Variants in SCD5 observed in about 807,000 individuals in gnomAD.
SCD5 encodes the protein acyl-CoA-desaturase 4.
In SCD5, 20 loss-of-function variants were observed where a neutral mutation model predicts 30.4. The observed-to-expected ratio is 0.66, with a 90% CI of 0.46 to 0.96. The LOEUF (loss-of-function observed/expected upper bound fraction) is 0.96, where lower values mean the gene tolerates loss of function less well. Ranked by LOEUF, SCD5 falls within the 40% of genes least tolerant of loss-of-function variation. The pLI is 0.00. For missense variants in SCD5, 381 were observed against 443.3 expected (o/e 0.86, Z 1.26); for synonymous variants, 173 against 176.4 (o/e 0.98, Z 0.16).
intron 3 of SCD5, among the ~76,000 whole-genome samples, chr4:82,673,819 A>C (rs922324182): frequency 4.6e-5 from 7 of 152,202 alleles, no homozygotes; most frequent in Non-Finnish European, 1.0e-4. Context: ...TTGATCAATG[A>C]ATCATAACAG....
At chr4:82,635,295 A>T (rs183292011) in intron 4 of SCD5, among the ~76,000 whole-genome samples, 234 of 152,334 alleles carry the variant, frequency 1.5e-3, no homozygotes, top group African/African-American at 5.3e-3. Flanking sequence ...GGGACAAGTA[A>T]GTTGCCTAAG....
Position 82,680,802 on chromosome 4 carries a change from C to A in SCD5, c.474G>T (p.Trp158Cys), listed in dbSNP as rs770215746. ...CATCTCGATGCTTGCGAACAAACAG[C>A]CACCCAATATGGGAGAAGAAGAAGC... ...RRGFFFSHIG[W>C]LFVRKHRDVI... The change falls in exon 3 of 5, where the codon TGG becomes TGT. Residue 158 changes from tryptophan to cysteine, a missense_variant. Coordinates refer to ENST00000319540, the MANE Select transcript of SCD5 (RefSeq NM_001037582.3). 12 of 1,613,796 alleles carry A rather than the reference C, an allele frequency of 7.4e-6. No individual in the cohort carries two copies. Among genetic ancestry groups the A allele is most frequent in the Non-Finnish European group, 2.5e-6 (3 of 1,179,990 alleles).
At chr4:82,639,833 G>A (rs1394186650) in intron 3 of SCD5, among the ~76,000 whole-genome samples, 2 of 152,206 alleles carry the variant, frequency 1.3e-5, no homozygotes, top group Non-Finnish European at 2.9e-5. Context: ...TCCGCTCTTT[G>A]GATTACAACC....
intron 1 of SCD5, among the ~76,000 whole-genome samples, chr4:82,778,603 G>A (rs574295085): frequency 7.2e-5 from 11 of 152,180 alleles, no homozygotes; most frequent in Non-Finnish European, 1.5e-4. Flanking sequence ...CAGCAAACTT[G>A]CCACTCTGAT....
intron 3 of SCD5, among the ~76,000 whole-genome samples, chr4:82,662,207 C>T (rs1173108162): frequency 2.6e-5 from 4 of 152,222 alleles, no homozygotes; most frequent in East Asian, 1.9e-4. Flanking sequence ...TAAGCACATG[C>T]CATCGTGCTC....
intron 3 of SCD5, among the ~76,000 whole-genome samples, chr4:82,667,993 G>C (rs1728227837): frequency 6.6e-6 from 1 of 152,106 alleles, no homozygotes. Context: ...AATCAAAGCA[G>C]GATGATGAAG....
chr4:82,730,232 A>ATTATATTAT (rs763488763), intron 1 of SCD5, among the ~76,000 whole-genome samples: 64 of 146,328 alleles, frequency 4.4e-4, no homozygotes, highest in African/African-American at 1.5e-3. Flanking sequence ...TATTATATAT[A>ATTATATTAT]ATATTTAAAA....
chr4:82,663,957 G>C (rs1728103388), intron 3 of SCD5, among the ~76,000 whole-genome samples: 1 of 152,166 alleles, frequency 6.6e-6, no homozygotes, highest in African/African-American at 2.4e-5. Context: ...TTGACCCCAA[G>C]GTTCAGGCAC....
At chr4:82,666,494 G>C (rs1728193003) in intron 3 of SCD5, among the ~76,000 whole-genome samples, 1 of 150,868 alleles carries the variant, frequency 6.6e-6, no homozygotes, top group African/African-American at 2.4e-5. Context: ...CAGCCTGGGA[G>C]ACAGAGCGAG....
intron 3 of SCD5, among the ~76,000 whole-genome samples, chr4:82,654,478 A>G (rs567691137): frequency 1.4e-4 from 22 of 152,370 alleles, no homozygotes; most frequent in Admixed American, 1.3e-3. Context: ...ATCTTTCCCC[A>G]GGAAGGGAGC....
chr4:82,698,618 C>T (rs906904852), intron 2 of SCD5, among the ~76,000 whole-genome samples: 2 of 152,184 alleles, frequency 1.3e-5, no homozygotes, highest in African/African-American at 4.8e-5. Flanking sequence ...TGGCCCCCAT[C>T]CCCCACTCTG....
chr4:82,694,029 T>C (rs1257607059), intron 2 of SCD5, among the ~76,000 whole-genome samples: 1 of 152,228 alleles, frequency 6.6e-6, no homozygotes, highest in Admixed American at 6.5e-5. Flanking sequence ...TCTCACACTC[T>C]GCTACTGCTG....
intron 1 of SCD5, among the ~76,000 whole-genome samples, chr4:82,752,236 G>A (rs2148842637): frequency 6.6e-6 from 1 of 150,472 alleles, no homozygotes; most frequent in East Asian, 2.0e-4. Context: ...CAGAATACAA[G>A]CAATATCTCT....
chr4:82,717,974 A>G (rs1202284160), intron 1 of SCD5, among the ~76,000 whole-genome samples: 2 of 95,528 alleles, frequency 2.1e-5, no homozygotes, highest in Admixed American at 1.2e-4. Flanking sequence ...AAAAATTAAA[A>G]ACAGTACCAA....
At chr4:82,715,721 T>C (rs1195098923) in intron 1 of SCD5, among the ~76,000 whole-genome samples, 2 of 151,616 alleles carry the variant, frequency 1.3e-5, no homozygotes, top group Non-Finnish European at 2.9e-5. Context: ...AAGAGATGCA[T>C]TGATAAGAGG....
intron 1 of SCD5, among the ~76,000 whole-genome samples, chr4:82,766,929 C>G (rs767955533): frequency 6.6e-6 from 1 of 152,062 alleles, no homozygotes; most frequent in East Asian, 1.9e-4. Flanking sequence ...CCGCCCACCT[C>G]GACCTCCCAA....
At chr4:82,664,999 C>CTCTCTCTCTCTCTCTCTCTCTATA (rs1219554314) in intron 3 of SCD5, among the ~76,000 whole-genome samples, 4 of 70,484 alleles carry the variant, frequency 5.7e-5, no homozygotes, top group African/African-American at 1.5e-4. Flanking sequence ...CTCTCTCTCT[C>CTCTCTCTCTCTCTCTCTCTCTATA]TATATATATA....
chr4:82,671,986 T>C (rs1190176377), intron 3 of SCD5, among the ~76,000 whole-genome samples: 2 of 152,122 alleles, frequency 1.3e-5, no homozygotes, highest in African/African-American at 4.8e-5. Context: ...TCAAGAGACA[T>C]TTAAGAATAT....
chr4:82,718,082 T>TAA (rs1304266095), intron 1 of SCD5, among the ~76,000 whole-genome samples: 2 of 143,102 alleles, frequency 1.4e-5, no homozygotes, highest in African/African-American at 2.6e-5. Flanking sequence ...CTTTTTTTTT[T>TAA]AAAAAAAAAA....
Sources: allele counts gnomAD v4.1 joint callset (sites outside exome capture counted in the v4.1 genomes callset), GRCh38; gene constraint gnomAD v4.1.1; transcripts MANE v1.5; gene names NCBI Gene and HGNC (gene_info 2026-07-23, HGNC 2026-07-21).